MTSS2: variants seen among roughly 807,000 people sequenced by gnomAD.
MTSS2 encodes MTSS I-BAR domain containing 2.
A neutral mutation model predicts 67.1 loss-of-function variants in MTSS2; 27 were observed. The observed-to-expected ratio is 0.40, with a 90% confidence interval of 0.30 to 0.55. The LOEUF is 0.55. MTSS2 is among the 20% of genes least tolerant of loss of function. The pLI is 0.43. For missense variants in MTSS2, 1,171 were observed against 1,067.8 expected, an observed-to-expected ratio of 1.10 and a Z score of -1.35; for synonymous variants, 624 against 468.6, an observed-to-expected ratio of 1.33 and a Z score of -4.28.
chr16:70,668,366 C>A (rs1453893306), intron 11 of MTSS2, among the ~76,000 whole-genome samples: 2 of 151,412 alleles, frequency 1.3e-5, no homozygotes, highest in Non-Finnish European at 2.9e-5. Flanking sequence ...CAATACTGTA[C>A]CTCTGCACTC....
chr16:70,679,468 G>T, intron 6 of MTSS2, 145 bp from the exon 7 acceptor site: 1 of 1,259,284 alleles, frequency 7.9e-7, no homozygotes, highest in Non-Finnish European at 1.1e-6. Context: ...CCAGGTTTGG[G>T]GGGAAGGGCA....
Position 70,663,346 on chromosome 16 carries a change from G to C in MTSS2, c.*331C>G. On this transcript the variant is annotated 3_prime_UTR_variant, in exon 15 of 15. Transcript: ENST00000338779. ...GGGATGGTGAAAGGGAGGCCAGCCTGGCCCCTCTGTCATGGGCAGCGGCCC... is the reference window on the plus strand; with the variant it reads ...GGGATGGTGAAAGGGAGGCCAGCCTCGCCCCTCTGTCATGGGCAGCGGCCC... 2 of 334,270 alleles carry C rather than the reference G, an allele frequency of 6.0e-6. No individual in the cohort carries two copies. 20.7% of individuals were successfully genotyped at this position (334,270 alleles called of 1,614,324 possible). A position where few individuals can be genotyped will look rare whatever the true frequency, so the allele number is the denominator to read the frequency against.
chr16:70,664,977 G>A lies in MTSS2; in HGVS notation c.1248C>T (p.Gly416=), dbSNP rs753689620. The change falls in exon 13 of 15, where the codon GGC becomes GGT. Residue 416 remains glycine (G), a synonymous_variant. Transcript: ENST00000338779. Reference sequence around the variant, plus strand: ...GTCGCGGTGCCTCTTCCCCGCTGGGGCCCAGGGTGCCCCCACTGGCAGGGC... The same window carrying A: ...GTCGCGGTGCCTCTTCCCCGCTGGGACCCAGGGTGCCCCCACTGGCAGGGC... ...EPGPASGGTL[G]PSGEEAPRPR... is the part of the protein sequence containing the mutation. 3.2e-6 allele frequency: 5 copies of A among 1,583,942 alleles called. No individual in the cohort carries two copies. The highest frequency in any genetic ancestry group is 2.7e-5 in the African/African-American group (2 of 74,942).
chr16:70,676,957 A>G lies in MTSS2; in HGVS notation c.754T>C (p.Ser252Pro). ...GTCTGGTAGGACCAGCTGTAGTCCGAGCCCTTTAGGTCTTTGATTACCTGG... is the reference window on the plus strand; with the variant it reads ...GTCTGGTAGGACCAGCTGTAGTCCGGGCCCTTTAGGTCTTTGATTACCTGG... ...SEQVIKDLKGSDYSWSYQTPP... is the reference protein window; with the variant it reads ...SEQVIKDLKGPDYSWSYQTPP... The change falls in exon 10 of 15, where the codon TCG (serine) becomes CCG (proline). Residue 252 changes from serine (S) to proline (P), a missense_variant. Around this residue, in one of 2 missense-constraint regions of MTSS2, gnomAD observed 924 missense variants for 756.0 expected, o/e 1.22. Coordinates refer to ENST00000338779, the MANE Select transcript of MTSS2 (RefSeq NM_138383.3). The G allele has an allele frequency of 6.2e-7, 1 of 1,613,802 alleles. No homozygotes were observed. Among genetic ancestry groups the G allele is most frequent in the Non-Finnish European group, 8.5e-7 (1 of 1,179,920 alleles).
At position 70,681,045 on chromosome 16, in the gene MTSS2, G is replaced by A. The variant is rs1240087919; in HGVS notation, c.70-20C>T. On this transcript the variant is annotated intron_variant, in intron 1 of 14. Transcript: ENST00000338779. ...GGAGCTCTGCCGGGCAAATGGGAGA[G>A]AAAGTGAGCTTCTTGTGGGGTGGTT... The A allele has an allele frequency of 1.2e-6, 2 of 1,602,496 alleles. No individual in the cohort carries two copies. Among genetic ancestry groups the A allele is most frequent in the Non-Finnish European group, 1.7e-6 (2 of 1,175,676 alleles).
intron 11 of MTSS2, among the ~76,000 whole-genome samples, chr16:70,668,724 T>C (rs2052813526): frequency 6.6e-6 from 1 of 152,058 alleles, no homozygotes. Flanking sequence ...TAAAAAGAGG[T>C]TTAAGGGAGC....
At chr16:70,677,270 GT>G (rs1366805951) in intron 9 of MTSS2, among the ~76,000 whole-genome samples, 1 of 152,210 alleles carries the variant, frequency 6.6e-6, no homozygotes, top group Non-Finnish European at 1.5e-5. Flanking sequence ...GCCTCCCTGA[GT>G]TTGTTTACTC....
At position 70,679,895 on chromosome 16, in the gene MTSS2, G is replaced by C; in HGVS notation, c.291-18C>G. On this transcript the variant is annotated intron_variant, in intron 4 of 14. Transcript: ENST00000338779. ...GCAGTGCGCTGCGGAGGGCGGGCGG[G>C]AGCGCAGGTCAGGGCCGGGCTCCCC... The C allele has an allele frequency of 2.5e-6, 4 of 1,583,816 alleles. No homozygotes were observed. Among genetic ancestry groups the C allele is most frequent in the Non-Finnish European group, 3.4e-6 (4 of 1,172,420 alleles).
chr16:70,667,154 C>T (rs1265078364), intron 11 of MTSS2, among the ~76,000 whole-genome samples: 5 of 151,722 alleles, frequency 3.3e-5, no homozygotes, highest in African/African-American at 1.2e-4. Context: ...GCCTGTGGTC[C>T]CAGCTACACA....
At position 70,661,248 on chromosome 16, in the gene MTSS2, G is replaced by A. The variant is rs1276328451; in HGVS notation, c.*2429C>T. The A allele has an allele frequency of 1.1e-5, 5 of 455,834 alleles. No individual in the cohort carries two copies. The highest frequency in any genetic ancestry group is 3.4e-4 in the Middle Eastern group (1 of 2,970). The allele number at this position is 455,834 out of a possible 1,614,324, so 28.2% of individuals were successfully genotyped here. A position where few individuals can be genotyped will look rare whatever the true frequency, so the allele number is the denominator to read the frequency against. ...TTATTAATACTGGAATCTTCACAGTGCATCTGTTACTTGTAGCAGTGACTA... is the reference window on the plus strand; with the variant it reads ...TTATTAATACTGGAATCTTCACAGTACATCTGTTACTTGTAGCAGTGACTA... On this transcript the variant is annotated 3_prime_UTR_variant, in exon 15 of 15. Transcript: ENST00000338779.
In MTSS2 at chr16:70,664,263, A is replaced by C; in HGVS notation, c.1658T>G (p.Leu553Arg). ...PTAGLPTATG[L>R]PSGAPPGVAT... The stretch of plus-strand genomic sequence containing the variant: ...CACGCCGGGGGGTGCGCCCGAGGGC[A>C]GGCCAGTGGCCGTGGGCAGCCCCGC... Residue 553 changes from leucine to arginine, a missense_variant, in exon 15 of 15, where the codon CTG (leucine) becomes CGG (arginine). By Grantham distance (102) the Leu-to-Arg change is moderately radical (BLOSUM62 -2). Coordinates refer to ENST00000338779, the MANE Select transcript of MTSS2 (RefSeq NM_138383.3). 1 of 1,558,282 alleles carries C rather than the reference A, an allele frequency of 6.4e-7. No individual in the cohort carries two copies. Among genetic ancestry groups the C allele is most frequent in the Non-Finnish European group, 8.6e-7 (1 of 1,159,424 alleles).
In MTSS2 at chr16:70,665,019, CAGG is replaced by C; in HGVS notation, c.1203_1205del (p.Leu402del). 6.3e-7 allele frequency: 1 copy of C among 1,596,168 alleles called. No individual in the cohort carries two copies. Among genetic ancestry groups the C allele is most frequent in the Non-Finnish European group, 8.5e-7 (1 of 1,179,144 alleles). On this transcript the variant is annotated inframe_deletion, in exon 13 of 15. Coordinates refer to ENST00000338779, the MANE Select transcript of MTSS2 (RefSeq NM_138383.3). ...TGGCAGGGCCTGGCTCTGTGTCTCG[CAGG>C]AGCTCCACTCGGTCCTTCCTCCGCT...
rs906295190 is a variant in MTSS2 at position 70,667,412 on chromosome 16, G to A, written c.1054-1872C>T. Among the ~76,000 whole-genome samples the A allele has an allele frequency of 6.8e-4, 102 of 150,548 alleles. 1 individual carries two copies. Among genetic ancestry groups the A allele is most frequent in the Admixed American group, 5.7e-3 (86 of 15,100 alleles). On this transcript the variant is annotated intron_variant, in intron 11 of 14. Transcript: ENST00000338779. Reference sequence around the variant, plus strand: ...TAACAAGATTATTAGAACAAAATCCGAAAAAGATCAATCACATTTCTAAAT... The same window carrying A: ...TAACAAGATTATTAGAACAAAATCCAAAAAAGATCAATCACATTTCTAAAT...
In MTSS2 at chr16:70,661,386, G is replaced by C. The variant is rs75391648; in HGVS notation, c.*2291C>G. 3 of 360,896 alleles carry C rather than the reference G, an allele frequency of 8.3e-6. No individual in the cohort carries two copies. The highest frequency in any genetic ancestry group is 1.6e-5 in the Non-Finnish European group (3 of 189,938). The allele number at this position is 360,896 out of a possible 1,614,324, so 22.4% of individuals were successfully genotyped here. The stretch of plus-strand genomic sequence containing the variant: ...TTCAGATGGGACGGAGGGTGGGGGA[G>C]GGGGGGAGGGTGAGTAGGAACCAGG... On this transcript the variant is annotated 3_prime_UTR_variant, in exon 15 of 15. Transcript: ENST00000338779.
chr16:70,683,929 G>A (rs1394454662), intron 1 of MTSS2, among the ~76,000 whole-genome samples: 3 of 152,210 alleles, frequency 2.0e-5, no homozygotes, highest in East Asian at 1.9e-4. Context: ...AGGTAGGGGC[G>A]AATCTGTCCT....
chr16:70,665,696 G>A (rs1431408631), intron 11 of MTSS2, 156 bp from the exon 12 acceptor site: 25 of 579,424 alleles, frequency 4.3e-5, no homozygotes, highest in South Asian at 2.4e-4. Flanking sequence ...CCAGGGCCAC[G>A]GCCGCTGAGT....
In MTSS2 at chr16:70,663,411, AGAG is replaced by A. The variant is rs2052565868; in HGVS notation, c.*263_*265del. 1 of 519,772 alleles carries A rather than the reference AGAG, an allele frequency of 1.9e-6. No homozygotes were observed. The highest frequency in any genetic ancestry group is 3.3e-6 in the Non-Finnish European group (1 of 306,986). 32.2% of individuals were successfully genotyped at this position (519,772 alleles called of 1,614,324 possible). A position where few individuals can be genotyped will look rare whatever the true frequency, so the allele number is the denominator to read the frequency against. On this transcript the variant is annotated 3_prime_UTR_variant, in exon 15 of 15. Coordinates refer to ENST00000338779, the MANE Select transcript of MTSS2 (RefSeq NM_138383.3). ...ATGGGTAGGGAAGAGGCAGGGCCCC[AGAG>A]GAGGAAGAGGAGGGACCGAAGAGCA... is the stretch of plus-strand genomic sequence containing the variant.
chr16:70,664,471 A>AGGCCCAG lies in MTSS2; in HGVS notation c.1472-29_1472-23dup, dbSNP rs746608222. ...GAGCCTGGGGGCACGGGACACAGTGAGGCCCAGGGCCCAGGTGGCCCCTTG... is the reference window on the plus strand; with the variant it reads ...GAGCCTGGGGGCACGGGACACAGTGAGGCCCAGGGCCCAGGGCCCAGGTGGCCCCTTG... On this transcript the variant is annotated intron_variant, in intron 14 of 14. Coordinates refer to ENST00000338779, the MANE Select transcript of MTSS2 (RefSeq NM_138383.3). 4.4e-5 allele frequency: 67 copies of AGGCCCAG among 1,539,786 alleles called. 1 individual carries two copies. The Middle Eastern group carries it at 5.4e-4, about 12-fold the overall frequency.
At position 70,662,812 on chromosome 16, in the gene MTSS2, G is replaced by A. The variant is rs1293680179; in HGVS notation, c.*865C>T. On this transcript the variant is annotated 3_prime_UTR_variant, in exon 15 of 15. Transcript: ENST00000338779. The stretch of plus-strand genomic sequence containing the variant: ...CTGCTCCAGTCACCCCCCGAAAGGT[G>A]GCTAAAACTGTGACCCCCAAAGTTA... 2.0e-5 allele frequency: 3 copies of A among 152,476 alleles called. No individual in the cohort carries two copies. Among genetic ancestry groups the A allele is most frequent in the East Asian group, 1.9e-4 (1 of 5,200 alleles). 9.4% of individuals were successfully genotyped at this position (152,476 alleles called of 1,614,324 possible). A position where few individuals can be genotyped will look rare whatever the true frequency, so the allele number is the denominator to read the frequency against.
Sources: gnomAD v4.1 joint callset for allele counts (sites outside exome capture counted in the v4.1 genomes callset) on GRCh38, gnomAD v4.1.1 for gene constraint, gnomAD v4.1.1 regional missense constraint, MANE v1.5 for transcripts, NCBI Gene and HGNC (gene_info 2026-07-23, HGNC 2026-07-21) for gene names.